The following PCDHGB1 variants were observed in gnomAD, a reference collection of about 807,000 sequenced individuals.
The protein encoded by PCDHGB1 is protocadherin gamma subfamily B, 1, also known as protocadherin gamma-B1.
In PCDHGB1, 34 loss-of-function variants were observed where a neutral mutation model predicts 56.6. The ratio of observed to expected loss-of-function variants is 0.60; its 90% CI spans 0.46 to 0.80. The LOEUF (loss-of-function observed/expected upper bound fraction) is 0.80, where lower values mean the gene tolerates loss of function less well. PCDHGB1 is among the 30% of genes least tolerant of loss of function. The pLI, the probability that PCDHGB1 is intolerant of heterozygous loss-of-function variation, is 0.00. For synonymous variants in PCDHGB1, 561 were observed against 505.9 expected (o/e 1.11, Z -1.46); for missense variants, 1,278 against 1,204.6 (o/e 1.06, Z -0.90).
chr5:141,491,702 T>A lies in PCDHGB1; in HGVS notation c.2410-3105T>A. The A allele has an allele frequency of 6.2e-7, 1 of 1,611,514 alleles. No homozygotes were observed. Among genetic ancestry groups the A allele is most frequent in the Non-Finnish European group, 8.5e-7 (1 of 1,178,984 alleles). ...AATACGCTGCGGGAGCGGAGCCAGG[T>A]GAGGGGCTCGGCGCCGCCCCGGGCG... On this transcript the variant is annotated intron_variant, in intron 1 of 3. Coordinates refer to ENST00000523390, the MANE Select transcript of PCDHGB1 (RefSeq NM_018922.3). The surrounding 1 kb of genome is among the most constrained non-coding windows in gnomAD (Gnocchi z 6.9).
At chr5:141,395,109 A>G (rs1181706209) in intron 1 of PCDHGB1, 1 of 1,614,092 alleles carries the variant, frequency 6.2e-7, no homozygotes, top group Admixed American at 1.7e-5. Context: ...CTCGCGGAAG[A>G]GTCACCTGAT....
chr5:141,375,181 C>T (rs868598149), intron 1 of PCDHGB1: 1 of 1,613,954 alleles, frequency 6.2e-7, no homozygotes, highest in Non-Finnish European at 8.5e-7. Flanking sequence ...GAACAGTAAT[C>T]GCCCTTTTTC....
intron 1 of PCDHGB1, chr5:141,399,067 G>A (rs774399021): frequency 4.3e-6 from 7 of 1,613,834 alleles, no homozygotes; most frequent in African/African-American, 1.3e-5. Context: ...ATATTCAATG[G>A]TTGTAGAAGG....
At chr5:141,421,638 C>G (rs775131295) in intron 1 of PCDHGB1, 2 of 1,613,770 alleles carry the variant, frequency 1.2e-6, no homozygotes, top group South Asian at 1.1e-5. Context: ...TCCAGGAGGA[C>G]GAAGTGGAGA....
intron 1 of PCDHGB1, chr5:141,356,562 T>C (rs1760257750): frequency 6.2e-7 from 1 of 1,614,042 alleles, no homozygotes; most frequent in Admixed American, 1.7e-5. Context: ...CTTTCCCTCA[T>C]GCTTCCTACT....
intron 1 of PCDHGB1, among the ~76,000 whole-genome samples, chr5:141,473,390 A>T (rs554428702): frequency 1.3e-5 from 2 of 152,190 alleles, no homozygotes; most frequent in Non-Finnish European, 2.9e-5. Flanking sequence ...GCCCTCCTGG[A>T]GCTTCTTTTT....
chr5:141,440,321 C>T (rs1048535776), intron 1 of PCDHGB1: 1 of 152,104 alleles, frequency 6.6e-6, no homozygotes, highest in African/African-American at 2.4e-5. Context: ...ACAAAAATTA[C>T]TGGGCATGGT....
At chr5:141,424,841 C>A (rs1303241053) in intron 1 of PCDHGB1, among the ~76,000 whole-genome samples, 1 of 152,126 alleles carries the variant, frequency 6.6e-6, no homozygotes. Context: ...TACATGTTAT[C>A]TGAAGCAATG....
Position 141,486,595 on chromosome 5 carries a change from T to G in PCDHGB1, c.2410-8212T>G. ...AGAACAATCGCCCAGGGGACCTGCTTTGCTCCCTTGCAGCCTCTGACCCAG... is the reference window on the plus strand; with the variant it reads ...AGAACAATCGCCCAGGGGACCTGCTGTGCTCCCTTGCAGCCTCTGACCCAG... On this transcript the variant is annotated intron_variant, in intron 1 of 3. Coordinates refer to ENST00000523390, the MANE Select transcript of PCDHGB1 (RefSeq NM_018922.3). This position sits in a 1 kb window ranked among gnomAD's most constrained non-coding sequence, Gnocchi z 5.0. The G allele has an allele frequency of 6.2e-7, 1 of 1,613,614 alleles. No homozygotes were observed. Among genetic ancestry groups the G allele is most frequent in the Non-Finnish European group, 8.5e-7 (1 of 1,180,016 alleles).
At chr5:141,361,729 C>A in intron 1 of PCDHGB1, 1 of 1,613,256 alleles carries the variant, frequency 6.2e-7, no homozygotes, top group East Asian at 2.2e-5. Flanking sequence ...CGAGCTCACA[C>A]TGCAGGCCCG....
At chr5:141,376,491 A>T in intron 1 of PCDHGB1, 2 of 1,614,114 alleles carry the variant, frequency 1.2e-6, no homozygotes, top group Non-Finnish European at 1.7e-6. Context: ...ACGAAAGGAG[A>T]ACCCAGGCAA....
At chr5:141,436,793 C>T (rs752376420) in intron 1 of PCDHGB1, among the ~76,000 whole-genome samples, 4 of 152,178 alleles carry the variant, frequency 2.6e-5, no homozygotes, top group Non-Finnish European at 5.9e-5. Flanking sequence ...TAAAACTGTT[C>T]TAAAATTTTT....
intron 1 of PCDHGB1, chr5:141,372,071 A>G: frequency 6.2e-7 from 1 of 1,613,608 alleles, no homozygotes; most frequent in Non-Finnish European, 8.5e-7. Flanking sequence ...ACGACAATGC[A>G]CCGCTGGTGC....
chr5:141,359,995 T>G, intron 1 of PCDHGB1: 1 of 1,091,948 alleles, frequency 9.2e-7, no homozygotes, highest in South Asian at 2.1e-5. Flanking sequence ...GGGAACTTCC[T>G]GCACAAACCA....
At chr5:141,428,021 C>G (rs1185050109) in intron 1 of PCDHGB1, 1 of 1,605,486 alleles carries the variant, frequency 6.2e-7, no homozygotes, top group Admixed American at 1.7e-5. Flanking sequence ...TGCCACGCGC[C>G]GCAGAGTCCG....
At chr5:141,380,843 G>T (rs1262602096) in intron 1 of PCDHGB1, among the ~76,000 whole-genome samples, 2 of 152,142 alleles carry the variant, frequency 1.3e-5, no homozygotes, top group African/African-American at 4.8e-5. Flanking sequence ...AGGTAAAAAT[G>T]GATCAAGACA....
chr5:141,492,230 C>T (rs1286145654), intron 1 of PCDHGB1, among the ~76,000 whole-genome samples: 1 of 152,196 alleles, frequency 6.6e-6, no homozygotes. Flanking sequence ...CGTGTCCTCC[C>T]TGCTGGCCAC....
intron 1 of PCDHGB1, chr5:141,375,438 T>TC: frequency 1.2e-6 from 2 of 1,613,806 alleles, no homozygotes; most frequent in African/African-American, 1.3e-5. Flanking sequence ...CCGCCCACCT[T>TC]CCCCCATTCA....
chr5:141,412,343 A>T (rs928223487), intron 1 of PCDHGB1: 2 of 152,166 alleles, frequency 1.3e-5, no homozygotes, highest in African/African-American at 4.8e-5. Context: ...ATATATGTTC[A>T]TTTTAGTTTG....
Sources: allele counts gnomAD v4.1 joint callset (sites outside exome capture counted in the v4.1 genomes callset), GRCh38; gene constraint gnomAD v4.1.1; non-coding constraint Gnocchi (gnomAD v3.1); transcripts MANE v1.5; gene names NCBI Gene and HGNC (gene_info 2026-07-23, HGNC 2026-07-21).